Variants in CD226 observed in about 807,000 individuals in gnomAD.
CD226 encodes CD226 molecule, also known as CD226 antigen.
A neutral mutation model predicts 34.9 loss-of-function variants in CD226; 24 were observed. The observed-to-expected ratio is 0.69, with a 90% confidence interval of 0.50 to 0.97. The LOEUF (loss-of-function observed/expected upper bound fraction) is 0.97, where lower values mean the gene tolerates loss of function less well. Ranked by LOEUF, CD226 falls within the 50% of genes least tolerant of loss-of-function variation. The pLI is 0.00. For synonymous variants in CD226, 148 were observed against 147.4 expected (o/e 1.00, Z -0.03); for missense variants, 397 against 412.7 (o/e 0.96, Z 0.33).
At chr18:69,908,473 C>T (rs1280996316) in intron 2 of CD226, among the ~76,000 whole-genome samples, 1 of 152,182 alleles carries the variant, frequency 6.6e-6, no homozygotes, top group Non-Finnish European at 1.5e-5. Context: ...ATCTGCACAA[C>T]AGCAAGAATG....
chr18:69,865,427 A>G (rs933878219), intron 5 of CD226, among the ~76,000 whole-genome samples: 2 of 150,832 alleles, frequency 1.3e-5, no homozygotes, highest in Admixed American at 6.6e-5. Flanking sequence ...CTCTTTAATA[A>G]TCCTTCAAAA....
rs1483395800 is a variant in CD226, at chr18:69,861,633, A to G, written c.*2681T>C. On this transcript the variant is annotated 3_prime_UTR_variant, in exon 6 of 6. Transcript: ENST00000582621. ...CAACTTGTAAAAAGTATCTGTATTTAAAATAGAATTTACTGGAATTCTGAT... is the reference window on the plus strand; with the variant it reads ...CAACTTGTAAAAAGTATCTGTATTTGAAATAGAATTTACTGGAATTCTGAT... 6.7e-6 allele frequency: 1 copy of G among 149,924 alleles called. No homozygotes were observed. The highest frequency in any genetic ancestry group is 1.5e-5 in the Non-Finnish European group (1 of 67,480). 9.3% of individuals were successfully genotyped at this position (149,924 alleles called of 1,614,324 possible).
chr18:69,879,853 G>A (rs928414836), intron 3 of CD226, among the ~76,000 whole-genome samples: 1 of 152,204 alleles, frequency 6.6e-6, no homozygotes, highest in African/African-American at 2.4e-5. Context: ...CCATTTCCCA[G>A]TGGATTCAGA....
intron 3 of CD226, among the ~76,000 whole-genome samples, chr18:69,875,817 G>C (rs1983829690): frequency 6.6e-6 from 1 of 152,198 alleles, no homozygotes; most frequent in Non-Finnish European, 1.5e-5. Context: ...GACATAGAAA[G>C]ACAAATACTG....
Position 69,895,978 on chromosome 18 carries a change from G to A in CD226, c.450C>T (p.Leu150=), listed in dbSNP as rs773082136. The part of the protein sequence containing the change: ...IVSEPGKNVT[L]TCQPQMTWPV... ...GCCACGTCATCTGAGGCTGACAAGT[G>A]AGTGTGACATTCTTTCCAGGTTCCG... The change falls in exon 3 of 6, where the codon CTC becomes CTT. Residue 150 remains leucine, a synonymous_variant. Transcript: ENST00000582621. 6.2e-7 allele frequency: 1 copy of A among 1,613,972 alleles called. No homozygotes were observed. The highest frequency in any genetic ancestry group is 2.2e-5 in the East Asian group (1 of 44,884).
chr18:69,909,143 T>TA (rs1232806787), intron 2 of CD226, among the ~76,000 whole-genome samples: 2 of 152,232 alleles, frequency 1.3e-5, no homozygotes, highest in Non-Finnish European at 2.9e-5. Flanking sequence ...ATCCACTCCT[T>TA]AAAGACATTG....
intron 4 of CD226, among the ~76,000 whole-genome samples, chr18:69,868,824 C>CACACAT (rs35624707): frequency 2.0e-5 from 3 of 151,128 alleles, no homozygotes; most frequent in African/African-American, 4.9e-5. Context: ...CACACACACA[C>CACACAT]AGACACACAC....
intron 2 of CD226, among the ~76,000 whole-genome samples, chr18:69,931,465 A>G (rs1272240992): frequency 6.6e-6 from 1 of 152,216 alleles, no homozygotes; most frequent in African/African-American, 2.4e-5. Context: ...CAGACAACAG[A>G]GATAGAACTA....
intron 3 of CD226, among the ~76,000 whole-genome samples, chr18:69,884,230 C>A (rs1311156831): frequency 6.6e-6 from 1 of 152,072 alleles, no homozygotes; most frequent in Non-Finnish European, 1.5e-5. Context: ...CCACATGGAG[C>A]CTTGTGGAAT....
At chr18:69,950,678 A>G (rs1246955883), upstream of CD226, among the ~76,000 whole-genome samples, 1 of 152,166 alleles carries the variant, frequency 6.6e-6, no homozygotes, top group Non-Finnish European at 1.5e-5. Flanking sequence ...AAGTTTTTCA[A>G]TCATTGTAGC....
intron 2 of CD226, among the ~76,000 whole-genome samples, chr18:69,943,521 T>C (rs774982352): frequency 2.0e-5 from 3 of 152,250 alleles, no homozygotes; most frequent in Non-Finnish European, 2.9e-5. Flanking sequence ...TTTGTATTAG[T>C]AGTACCATTT....
chr18:69,919,014 G>T (rs1001484705), intron 2 of CD226, among the ~76,000 whole-genome samples: 1 of 152,190 alleles, frequency 6.6e-6, no homozygotes, highest in African/African-American at 2.4e-5. Flanking sequence ...GCCTAGAAAT[G>T]GAAAGATGAA....
At chr18:69,908,467 G>C (rs1348247645) in intron 2 of CD226, among the ~76,000 whole-genome samples, 1 of 152,128 alleles carries the variant, frequency 6.6e-6, no homozygotes, top group Non-Finnish European at 1.5e-5. Flanking sequence ...AAAGAAATCT[G>C]CACAACAGCA....
intron 3 of CD226, among the ~76,000 whole-genome samples, chr18:69,880,922 A>G (rs1257246487): frequency 1.3e-5 from 2 of 152,188 alleles, no homozygotes; most frequent in Non-Finnish European, 1.5e-5. Flanking sequence ...AAGTGCTGGA[A>G]TTACAGGCGT....
chr18:69,868,789 A>T (rs969328469), intron 4 of CD226, among the ~76,000 whole-genome samples: 2 of 137,340 alleles, frequency 1.5e-5, no homozygotes, highest in Admixed American at 1.6e-4. Flanking sequence ...ACATGCGCAC[A>T]CGTGCGCGTG....
Position 69,954,703 on chromosome 18 carries a change from A to T in CD226, c.-28+2052T>A, listed in dbSNP as rs369434022. ...CCTTATTCCCAAGGCATCCAGAGCC[A>T]ACTAGTCAAGAGATGAAGAGAACTT... On this transcript the variant is annotated intron_variant, in intron 1 of 6. Transcript: ENST00000280200. Among the ~76,000 whole-genome samples the T allele has an allele frequency of 3.3e-5, 5 of 152,168 alleles. No individual in the cohort carries two copies. The East Asian group carries it at 9.6e-4, about 29-fold the overall frequency.
At chr18:69,924,692 C>CAAAAAAAAAAAAAAAAAAAA (rs56118102) in intron 2 of CD226, among the ~76,000 whole-genome samples, 2 of 57,126 alleles carry the variant, frequency 3.5e-5, no homozygotes, top group Non-Finnish European at 6.3e-5. Flanking sequence ...AAGGTATTGC[C>CAAAAAAAAAAAAAAAAAAAA]AAAAAAAAAA....
intron 1 of CD226, among the ~76,000 whole-genome samples, chr18:69,955,026 T>A (rs894442125): frequency 6.6e-6 from 1 of 152,086 alleles, no homozygotes; most frequent in African/African-American, 2.4e-5. Flanking sequence ...TATTACTGGA[T>A]TTCTCTACTA....
intron 2 of CD226, among the ~76,000 whole-genome samples, chr18:69,923,222 A>G (rs1175249395): frequency 6.6e-6 from 1 of 151,914 alleles, no homozygotes; most frequent in Non-Finnish European, 1.5e-5. Flanking sequence ...GGAGAAAGAA[A>G]GAGAGAGAGA....
Sources: gnomAD v4.1 joint callset for allele counts (sites outside exome capture counted in the v4.1 genomes callset) on GRCh38, gnomAD v4.1.1 for gene constraint, MANE v1.5 for transcripts, NCBI Gene and HGNC (gene_info 2026-07-23, HGNC 2026-07-21) for gene names.